Variants in SPOCK3 observed in about 807,000 individuals in gnomAD.
SPOCK3 encodes the protein testican-3.
Under a neutral mutation model 56.6 loss-of-function variants are expected in SPOCK3, and 30 were observed. The observed-to-expected ratio is 0.53, with a 90% confidence interval of 0.40 to 0.72. The LOEUF (loss-of-function observed/expected upper bound fraction) is 0.72. Among genes scored for constraint, SPOCK3 ranks in the 30% least tolerant of loss-of-function variants. The pLI, the probability that SPOCK3 is intolerant of heterozygous loss-of-function variation, is 0.00. For missense variants in SPOCK3, 527 were observed against 530.0 expected (o/e 0.99, Z 0.06); for synonymous variants, 196 against 183.3 (o/e 1.07, Z -0.56).
chr4:167,234,582 G>C (rs993563819), upstream of SPOCK3: 5 of 218,500 alleles, frequency 2.3e-5, no homozygotes, highest in Non-Finnish European at 2.7e-5. Context: ...CGCCCGGCGC[G>C]CTCCCCCCAT....
At chr4:167,157,057 T>C (rs939877740) in intron 2 of SPOCK3, among the ~76,000 whole-genome samples, 3 of 152,052 alleles carry the variant, frequency 2.0e-5, no homozygotes, top group Non-Finnish European at 4.4e-5. Flanking sequence ...GGAGGGGTAG[T>C]GGAAGTACAG....
chr4:166,801,623 T>C (rs1004153309), intron 6 of SPOCK3, among the ~76,000 whole-genome samples: 1 of 152,072 alleles, frequency 6.6e-6, no homozygotes, highest in Non-Finnish European at 1.5e-5. Flanking sequence ...TTAAAGACTC[T>C]CAATACATAT....
intron 2 of SPOCK3, among the ~76,000 whole-genome samples, chr4:167,074,241 T>A (rs975703601): frequency 6.6e-6 from 1 of 151,898 alleles, no homozygotes; most frequent in South Asian, 2.1e-4. Flanking sequence ...ACAAAATAAA[T>A]TATGCCAAAA....
chr4:167,030,104 T>G (rs545136775), intron 3 of SPOCK3, among the ~76,000 whole-genome samples: 154 of 151,074 alleles, frequency 1.0e-3, no homozygotes, highest in Non-Finnish European at 1.9e-3. Flanking sequence ...TATCTATCTA[T>G]CTATCTATCT....
chr4:167,088,455 T>C (rs995118977), intron 2 of SPOCK3, among the ~76,000 whole-genome samples: 5 of 148,698 alleles, frequency 3.4e-5, no homozygotes, highest in African/African-American at 5.0e-5. Context: ...ATAACACCTA[T>C]GAAAACTTTT....
intron 8 of SPOCK3, among the ~76,000 whole-genome samples, chr4:166,742,922 T>A (rs956217365): frequency 6.6e-6 from 1 of 152,086 alleles, no homozygotes; most frequent in South Asian, 2.1e-4. Flanking sequence ...CAACCGCTAA[T>A]TGAAAATTTT....
At chr4:166,955,380 C>G (rs1743285106) in intron 4 of SPOCK3, among the ~76,000 whole-genome samples, 3 of 150,000 alleles carry the variant, frequency 2.0e-5, no homozygotes, top group South Asian at 2.1e-4. Context: ...AAACAGGGCT[C>G]TATGCATTTC....
chr4:167,163,182 T>C (rs1169524435), intron 2 of SPOCK3, among the ~76,000 whole-genome samples: 1 of 150,572 alleles, frequency 6.6e-6, no homozygotes, highest in African/African-American at 2.4e-5. Flanking sequence ...TTTTTTTTTT[T>C]TTGCCAAACC....
chr4:167,035,858 T>C (rs567701276), intron 3 of SPOCK3, among the ~76,000 whole-genome samples: 68 of 152,290 alleles, frequency 4.5e-4, no homozygotes, highest in Non-Finnish European at 7.9e-4. Flanking sequence ...CCACAATTAC[T>C]ACTTCTTCCT....
intron 6 of SPOCK3, among the ~76,000 whole-genome samples, chr4:166,831,471 T>TA (rs1340734410): frequency 6.6e-6 from 1 of 152,128 alleles, no homozygotes; most frequent in Non-Finnish European, 1.5e-5. Context: ...CTATATAGGA[T>TA]AAAAAAGATA....
chr4:167,019,796 G>A (rs1197356300), intron 3 of SPOCK3, among the ~76,000 whole-genome samples: 4 of 151,980 alleles, frequency 2.6e-5, no homozygotes, highest in East Asian at 1.9e-4. Flanking sequence ...AATTATAACC[G>A]TGTGACTGAA....
chr4:166,931,311 A>G lies in SPOCK3; in HGVS notation c.351-18568T>C, dbSNP rs539622103. ...GGCAATTTTCTATATGCATACAAAC[A>G]CACTACTCTAGGTGTGTGTGGGGGG... On this transcript the variant is annotated intron_variant, in intron 4 of 10. Transcript: ENST00000357545. 2.2e-5 allele frequency among the ~76,000 whole-genome samples: 3 copies of G among 136,640 alleles called. No individual in the cohort carries two copies. In the East Asian group the frequency reaches 6.9e-4, roughly 31 times the overall value. 89.6% of individuals were successfully genotyped at this position (136,640 alleles called of 152,430 possible). A position where few individuals can be genotyped will look rare whatever the true frequency, so the allele number is the denominator to read the frequency against.
intron 2 of SPOCK3, among the ~76,000 whole-genome samples, chr4:167,192,723 C>T (rs1399199461): frequency 6.9e-6 from 1 of 144,982 alleles, no homozygotes; most frequent in African/African-American, 2.6e-5. Flanking sequence ...TTTTTTTCGA[C>T]GTAGGTATTT....
chr4:166,771,412 C>T (rs948598166), intron 7 of SPOCK3, among the ~76,000 whole-genome samples: 2 of 151,940 alleles, frequency 1.3e-5, no homozygotes, highest in African/African-American at 4.8e-5. Context: ...CTTGAAGAAT[C>T]CCCACATTGT....
At chr4:166,974,014 T>C (rs1745674423) in intron 4 of SPOCK3, among the ~76,000 whole-genome samples, 1 of 152,188 alleles carries the variant, frequency 6.6e-6, no homozygotes, top group South Asian at 2.1e-4. Context: ...CTTTAAAATA[T>C]GAAGCTACTG....
At chr4:166,988,431 A>C (rs2150107174) in intron 4 of SPOCK3, among the ~76,000 whole-genome samples, 1 of 152,256 alleles carries the variant, frequency 6.6e-6, no homozygotes, top group South Asian at 2.1e-4. Flanking sequence ...GTTTTACAGT[A>C]GCATTTTATA....
At chr4:167,034,889 T>C (rs1752602168) in intron 3 of SPOCK3, among the ~76,000 whole-genome samples, 1 of 152,178 alleles carries the variant, frequency 6.6e-6, no homozygotes, top group African/African-American at 2.4e-5. Flanking sequence ...ATTTCAAATT[T>C]TGAGACTCTT....
chr4:166,997,004 C>A (rs963274710), intron 4 of SPOCK3, among the ~76,000 whole-genome samples: 2 of 152,122 alleles, frequency 1.3e-5, no homozygotes, highest in Non-Finnish European at 2.9e-5. Flanking sequence ...AGATAATGTG[C>A]CTTTCAGGGA....
chr4:166,954,801 T>C (rs997356811), intron 4 of SPOCK3, among the ~76,000 whole-genome samples: 2 of 152,178 alleles, frequency 1.3e-5, no homozygotes, highest in African/African-American at 4.8e-5. Context: ...TTAGTGCCTA[T>C]TGGCATGAAA....
Sources: allele counts gnomAD v4.1 joint callset (sites outside exome capture counted in the v4.1 genomes callset), GRCh38; gene constraint gnomAD v4.1.1; transcripts MANE v1.5; gene names NCBI Gene and HGNC (gene_info 2026-07-23, HGNC 2026-07-21).